MICAL2: variants seen among roughly 807,000 people sequenced by gnomAD.
MICAL2 encodes the protein [F-actin]-monooxygenase MICAL2.
MICAL2 carries 77 observed loss-of-function variants against 127.3 expected under a neutral mutation model. The ratio of observed to expected loss-of-function variants is 0.60; its 90% confidence interval spans 0.50 to 0.73. The LOEUF (loss-of-function observed/expected upper bound fraction) is 0.73, where lower values mean the gene tolerates loss of function less well. Ranked by LOEUF, MICAL2 falls within the 30% of genes least tolerant of loss-of-function variation. The pLI is 0.00. For missense variants in MICAL2, 1,351 were observed against 1,434.4 expected (o/e 0.94, Z 0.94); for synonymous variants, 570 against 551.1 (o/e 1.03, Z -0.48).
intron 1 of MICAL2, among the ~76,000 whole-genome samples, chr11:12,135,602 T>C (rs1041698521): frequency 6.6e-6 from 1 of 152,160 alleles, no homozygotes; most frequent in African/African-American, 2.4e-5. Context: ...AAAAAAGAAA[T>C]TGAGGCTCAC....
intron 3 of MICAL2, among the ~76,000 whole-genome samples, chr11:12,176,445 T>C (rs543841435): frequency 1.3e-5 from 2 of 152,284 alleles, no homozygotes; most frequent in East Asian, 3.9e-4. Flanking sequence ...AATCGCCTCC[T>C]TCTACTTCTT....
chr11:12,207,415 G>A (rs1854844240), intron 4 of MICAL2, among the ~76,000 whole-genome samples: 1 of 152,200 alleles, frequency 6.6e-6, no homozygotes, highest in Non-Finnish European at 1.5e-5. Flanking sequence ...GGAGGCATAC[G>A]CATTTGTGCT....
At chr11:12,181,193 C>T (rs906680674) in intron 3 of MICAL2, among the ~76,000 whole-genome samples, 23 of 152,306 alleles carry the variant, frequency 1.5e-4, no homozygotes, top group Admixed American at 1.1e-3. Flanking sequence ...GTCCACCCAC[C>T]TTGGCCTCCC....
At chr11:12,269,342 G>T (rs1203029544) in intron 24 of MICAL2, among the ~76,000 whole-genome samples, 3 of 152,202 alleles carry the variant, frequency 2.0e-5, no homozygotes, top group African/African-American at 7.2e-5. Context: ...AAAGCTGAAG[G>T]CTCACAGCTG....
chr11:12,125,506 G>A (rs561844597), intron 1 of MICAL2, among the ~76,000 whole-genome samples: 20 of 152,174 alleles, frequency 1.3e-4, no homozygotes, highest in Non-Finnish European at 2.1e-4. Context: ...TGCCCGCCTC[G>A]GCCTCTCAAA....
chr11:12,137,270 G>A (rs759565765), intron 1 of MICAL2, among the ~76,000 whole-genome samples: 1 of 99,696 alleles, frequency 1.0e-5, no homozygotes, highest in South Asian at 4.0e-4. Context: ...AGGCTCGCCC[G>A]GTGTGTGGGC....
chr11:12,341,562 T>C (rs11022314), intron 32 of MICAL2, among the ~76,000 whole-genome samples: 33,133 of 152,124 alleles, frequency 0.22, 4,237 homozygotes, highest in African/African-American at 0.33. Context: ...CGCGGTGGCT[T>C]ATGCCTCTAA....
intron 1 of MICAL2, among the ~76,000 whole-genome samples, chr11:12,136,767 G>A (rs1159619211): frequency 6.6e-6 from 1 of 152,110 alleles, no homozygotes; most frequent in Admixed American, 6.5e-5. Context: ...GTGTGCCCAG[G>A]CCTCTGTGAG....
chr11:12,333,415 A>G (rs1310151995), intron 32 of MICAL2, among the ~76,000 whole-genome samples: 1 of 152,198 alleles, frequency 6.6e-6, no homozygotes, highest in Non-Finnish European at 1.5e-5. Context: ...CATATTTTCC[A>G]AAACCATGCG....
At chr11:12,238,420 A>G (rs117188949) in intron 16 of MICAL2, among the ~76,000 whole-genome samples, 2 of 152,240 alleles carry the variant, frequency 1.3e-5, no homozygotes, top group Non-Finnish European at 2.9e-5. Context: ...ATCACCACTT[A>G]TAAGTCACGT....
At chr11:12,330,912 T>A (rs953421372) in intron 32 of MICAL2, among the ~76,000 whole-genome samples, 9 of 116,852 alleles carry the variant, frequency 7.7e-5, no homozygotes, top group African/African-American at 2.8e-4. Flanking sequence ...TGTGTGTGTG[T>A]GTGTGTGTGT....
chr11:12,337,959 G>C (rs1275422600), intron 32 of MICAL2, among the ~76,000 whole-genome samples: 1 of 152,192 alleles, frequency 6.6e-6, no homozygotes, highest in Non-Finnish European at 1.5e-5. Context: ...TTCTGTAGGT[G>C]TCTAGTAGGT....
At chr11:12,251,511 A>T (rs1170124773) in intron 22 of MICAL2, among the ~76,000 whole-genome samples, 2 of 145,782 alleles carry the variant, frequency 1.4e-5, no homozygotes, top group African/African-American at 5.1e-5. Flanking sequence ...AATGCATTTC[A>T]TCAGGTTGGG....
At chr11:12,226,022 G>A (rs995184158) in intron 13 of MICAL2, 149 bp from the exon 14 acceptor site, 19 of 701,338 alleles carry the variant, frequency 2.7e-5, no homozygotes, top group Admixed American at 8.9e-5. Flanking sequence ...AGAACTGGGA[G>A]TAGGGGCTGG....
intron 18 of MICAL2, among the ~76,000 whole-genome samples, chr11:12,241,941 A>T (rs1860024780): frequency 6.6e-6 from 1 of 151,994 alleles, no homozygotes; most frequent in Non-Finnish European, 1.5e-5. Flanking sequence ...AGTACCCTAA[A>T]TGTCAGTATG....
chr11:12,301,969 G>C (rs1864052522), intron 29 of MICAL2, among the ~76,000 whole-genome samples: 1 of 152,176 alleles, frequency 6.6e-6, no homozygotes, highest in Admixed American at 6.5e-5. Context: ...AATGTTCTGA[G>C]AACAAGTGAC....
intron 8 of MICAL2, among the ~76,000 whole-genome samples, chr11:12,217,160 C>G (rs377451474): frequency 2.6e-5 from 4 of 152,302 alleles, no homozygotes; most frequent in African/African-American, 9.6e-5. Context: ...ACTGTCACTG[C>G]TGCTGCTGCA....
At chr11:12,286,041 G>A (rs1372999669) in intron 2 of MICAL2, among the ~76,000 whole-genome samples, 3 of 152,234 alleles carry the variant, frequency 2.0e-5, no homozygotes, top group Non-Finnish European at 2.9e-5. Flanking sequence ...CAGGGAACAC[G>A]TGGACCCCAC....
At chr11:12,203,886 A>G (rs890918509) in intron 3 of MICAL2, among the ~76,000 whole-genome samples, 5 of 152,246 alleles carry the variant, frequency 3.3e-5, no homozygotes, top group African/African-American at 1.2e-4. Context: ...CTTATTTACA[A>G]TAACCTTATG....
Sources: allele counts gnomAD v4.1 joint callset (sites outside exome capture counted in the v4.1 genomes callset), GRCh38; gene constraint gnomAD v4.1.1; transcripts MANE v1.5; gene names NCBI Gene and HGNC (gene_info 2026-07-23, HGNC 2026-07-21).